The following FAM53B variants were observed in gnomAD, a reference collection of about 807,000 sequenced individuals.
FAM53B encodes the protein protein FAM53B.
A neutral mutation model predicts 32.7 loss-of-function variants in FAM53B; 12 were observed. That is an observed-to-expected ratio of 0.37 (90% confidence interval 0.24 to 0.59). The LOEUF is 0.59. Ranked by LOEUF, FAM53B falls within the 20% of genes least tolerant of loss-of-function variation. The pLI, the probability that FAM53B is intolerant of heterozygous loss-of-function variation, is 0.72. For synonymous variants in FAM53B, 234 were observed against 228.7 expected (o/e 1.02, Z -0.21); for missense variants, 477 against 577.7 (o/e 0.83, Z 1.79).
At chr10:124,719,171 G>C (rs1950053935) in intron 1 of FAM53B, among the ~76,000 whole-genome samples, 1 of 152,176 alleles carries the variant, frequency 6.6e-6, no homozygotes, top group Non-Finnish European at 1.5e-5. Context: ...ATTAATCTAA[G>C]AAGTTTGGAG....
intron 4 of FAM53B, among the ~76,000 whole-genome samples, chr10:124,669,442 CAG>C (rs955229072): frequency 4.8e-4 from 73 of 152,326 alleles, no homozygotes; most frequent in African/African-American, 1.7e-3. Context: ...TCAAGAAATG[CAG>C]AGTCTGCTCA....
chr10:124,701,602 G>A (rs1020592356), intron 2 of FAM53B, among the ~76,000 whole-genome samples: 4 of 152,218 alleles, frequency 2.6e-5, no homozygotes, highest in East Asian at 1.9e-4. Context: ...GGAGCACAGT[G>A]CTCCAAGGTC....
chr10:124,663,386 G>A (rs1467619220), intron 4 of FAM53B, among the ~76,000 whole-genome samples: 1 of 152,218 alleles, frequency 6.6e-6, no homozygotes, highest in Non-Finnish European at 1.5e-5. Flanking sequence ...TCAGAGGCTA[G>A]AGAAAGGCCA....
intron 3 of FAM53B, among the ~76,000 whole-genome samples, chr10:124,692,170 C>T (rs1285051222): frequency 6.6e-6 from 1 of 152,196 alleles, no homozygotes; most frequent in Non-Finnish European, 1.5e-5. Flanking sequence ...GGCGGCTGAG[C>T]TGGCACCCTA....
intron 1 of FAM53B, among the ~76,000 whole-genome samples, chr10:124,724,027 C>A (rs536439342): frequency 5.6e-4 from 86 of 152,256 alleles, no homozygotes; most frequent in African/African-American, 2.0e-3. Flanking sequence ...GGGAAGAAGG[C>A]AGGTGATACA....
intron 4 of FAM53B, among the ~76,000 whole-genome samples, chr10:124,650,467 A>G (rs1286024684): frequency 6.6e-6 from 1 of 152,218 alleles, no homozygotes; most frequent in Non-Finnish European, 1.5e-5. Context: ...AGCAGCTGCC[A>G]TCTGCCAAGC....
Position 124,721,026 on chromosome 10 carries a change from C to T in FAM53B, c.-174-14139G>A, listed in dbSNP as rs553396442. 1.4e-4 allele frequency among the ~76,000 whole-genome samples: 21 copies of T among 152,188 alleles called. No homozygotes were observed. In the South Asian group the frequency reaches 4.4e-3, roughly 32 times the overall value. On this transcript the variant is annotated intron_variant, in intron 1 of 4. Transcript: ENST00000337318. Reference sequence around the variant, plus strand: ...ACCAGCCTGGGAAACATGGCAAAATCCCATCTCTACCAAAAATACAAAAAA... The same window carrying T: ...ACCAGCCTGGGAAACATGGCAAAATTCCATCTCTACCAAAAATACAAAAAA...
rs972101509 is a variant in FAM53B at position 124,621,236 on chromosome 10, C to T, written c.*2006G>A. On this transcript the variant is annotated 3_prime_UTR_variant, in exon 5 of 5. Transcript: ENST00000337318. ...GCATGTGGTGCCAGGACCCCCCACG[C>T]CCAGTGGTACTCCGGGGGCAAGACA... The T allele has an allele frequency of 6.6e-6, 1 of 152,240 alleles. No homozygotes were observed. Among genetic ancestry groups the T allele is most frequent in the Non-Finnish European group, 1.5e-5 (1 of 68,040 alleles). The allele number at this position is 152,240 out of a possible 1,614,324, so 9.4% of individuals were successfully genotyped here. A position where few individuals can be genotyped will look rare whatever the true frequency, so the allele number is the denominator to read the frequency against.
intron 4 of FAM53B, among the ~76,000 whole-genome samples, chr10:124,626,305 G>A (rs61870466): frequency 0.094 from 14,319 of 152,052 alleles, 848 homozygotes; most frequent in Middle Eastern, 0.14. Flanking sequence ...GGCATAAGGC[G>A]CAGGTAGCGG....
chr10:124,628,190 C>T (rs1168716754), intron 4 of FAM53B, among the ~76,000 whole-genome samples: 3 of 152,142 alleles, frequency 2.0e-5, no homozygotes, highest in Admixed American at 6.5e-5. Flanking sequence ...CTCTGGGCTC[C>T]GAAGGGCAAG....
intron 4 of FAM53B, among the ~76,000 whole-genome samples, chr10:124,657,930 G>A (rs566996320): frequency 1.2e-4 from 18 of 152,178 alleles, no homozygotes; most frequent in Non-Finnish European, 2.4e-4. Context: ...CAGCTTCTCC[G>A]CAGCCAGGAA....
intron 3 of FAM53B, among the ~76,000 whole-genome samples, chr10:124,695,433 T>A (rs985299548): frequency 6.6e-6 from 1 of 152,212 alleles, no homozygotes; most frequent in Admixed American, 6.5e-5. Flanking sequence ...CTGGAAGGCA[T>A]GTCAGCAAAA....
At chr10:124,667,485 G>T in intron 4 of FAM53B, 1 of 732,448 alleles carries the variant, frequency 1.4e-6, no homozygotes. Context: ...CCTGCCAACA[G>T]TCAGCAGCCC....
intron 1 of FAM53B, among the ~76,000 whole-genome samples, chr10:124,740,993 G>C (rs1589770512): frequency 6.6e-6 from 1 of 152,208 alleles, no homozygotes; most frequent in East Asian, 1.9e-4. Flanking sequence ...AGCAGAAGCT[G>C]AGGGTAAAAA....
At chr10:124,698,508 G>A (rs898502050) in intron 2 of FAM53B, among the ~76,000 whole-genome samples, 2 of 152,262 alleles carry the variant, frequency 1.3e-5, no homozygotes, top group Middle Eastern at 6.8e-3. Flanking sequence ...AGATGCTGGG[G>A]TCTGTCTGCC....
At chr10:124,647,917 A>G (rs1949529606) in intron 4 of FAM53B, among the ~76,000 whole-genome samples, 1 of 152,200 alleles carries the variant, frequency 6.6e-6, no homozygotes, top group Admixed American at 6.5e-5. Context: ...GTCAGTAGCC[A>G]CATGGAGCTA....
chr10:124,722,715 A>G (rs906915949), intron 1 of FAM53B, among the ~76,000 whole-genome samples: 3 of 152,254 alleles, frequency 2.0e-5, no homozygotes, highest in Admixed American at 6.5e-5. Flanking sequence ...TTGTGTGTGT[A>G]TATATCTGCA....
At chr10:124,710,388 G>T (rs1350262562) in intron 1 of FAM53B, among the ~76,000 whole-genome samples, 3 of 152,224 alleles carry the variant, frequency 2.0e-5, no homozygotes, top group African/African-American at 7.2e-5. Context: ...CATGTGAAAT[G>T]ATCTGGGCAC....
intron 1 of FAM53B, among the ~76,000 whole-genome samples, chr10:124,709,345 G>A (rs1324867799): frequency 2.6e-5 from 4 of 152,178 alleles, no homozygotes; most frequent in African/African-American, 7.2e-5. Context: ...GGCAAAGACG[G>A]GGCACCCCAG....
Sources: gnomAD v4.1 joint callset for allele counts (sites outside exome capture counted in the v4.1 genomes callset) on GRCh38, gnomAD v4.1.1 for gene constraint, MANE v1.5 for transcripts, NCBI Gene and HGNC (gene_info 2026-07-23, HGNC 2026-07-21) for gene names.